TMEM33: variants seen among roughly 807,000 people sequenced by gnomAD.
The protein encoded by TMEM33 is transmembrane protein 33.
Under a neutral mutation model 29.7 loss-of-function variants are expected in TMEM33, and 16 were observed. The ratio of observed to expected loss-of-function variants is 0.54; its 90% CI spans 0.36 to 0.82. The LOEUF is 0.82. Among genes scored for constraint, TMEM33 ranks in the 40% least tolerant of loss-of-function variants. The probability of loss-of-function intolerance (pLI) is 0.00; values close to 1 mark genes in which losing one functional copy is unlikely to be tolerated. For missense variants in TMEM33, 252 were observed against 295.3 expected, an observed-to-expected ratio of 0.85 and a Z score of 1.08; for synonymous variants, 112 against 109.4, an observed-to-expected ratio of 1.02 and a Z score of -0.15.
chr4:41,940,187 A>G (rs1181785330), intron 3 of TMEM33, among the ~76,000 whole-genome samples: 1 of 148,830 alleles, frequency 6.7e-6, no homozygotes, highest in African/African-American at 2.5e-5. Flanking sequence ...AGGGTTCTTT[A>G]CTATAGTGGC....
chr4:41,945,173 C>T (rs1288446825), intron 5 of TMEM33, among the ~76,000 whole-genome samples: 1 of 152,084 alleles, frequency 6.6e-6, no homozygotes, highest in Non-Finnish European at 1.5e-5. Flanking sequence ...TTCATAGTTA[C>T]CACCTTTGAA....
intron 1 of TMEM33, among the ~76,000 whole-genome samples, chr4:41,936,151 A>G (rs1712220693): frequency 6.6e-6 from 1 of 152,226 alleles, no homozygotes; most frequent in Admixed American, 6.5e-5. Context: ...TGCAGTTACC[A>G]CATTTGGGAA....
At chr4:41,943,693 G>T (rs575043047) in intron 3 of TMEM33, 54 bp from the exon 4 acceptor site, 1 of 1,515,836 alleles carries the variant, frequency 6.6e-7, no homozygotes, top group Non-Finnish European at 9.2e-7. Context: ...TACATAGTCT[G>T]TTTTGCAGAA....
intron 1 of TMEM33, among the ~76,000 whole-genome samples, chr4:41,937,585 A>C (rs1712301187): frequency 6.6e-6 from 1 of 152,162 alleles, no homozygotes. Flanking sequence ...AAGTCAGTTT[A>C]GTGTAAACAC....
chr4:41,938,666 G>T lies in TMEM33; in HGVS notation c.110G>T (p.Cys37Phe). ...CTTTCTCGCTTGTTCACAGTTTACT[G>T]CTCTGCTCTGTTTGTTCTGCCTCTT... ...MWLSRLFTVY[C>F]SALFVLPLLG... Residue 37 changes from cysteine (C) to phenylalanine (F), a missense_variant, in exon 2 of 7, where the codon TGC (cysteine) becomes TTC (phenylalanine). Physicochemically the swap from Cys to Phe is radical, Grantham distance 205. Coordinates refer to ENST00000504986, the MANE Select transcript of TMEM33 (RefSeq NM_018126.3). 1 of 1,614,084 alleles carries T rather than the reference G, an allele frequency of 6.2e-7. No homozygotes were observed. Among genetic ancestry groups the T allele is most frequent in the Non-Finnish European group, 8.5e-7 (1 of 1,180,000 alleles).
At chr4:41,946,293 T>C (rs565027891) in intron 5 of TMEM33, among the ~76,000 whole-genome samples, 170 of 152,262 alleles carry the variant, frequency 1.1e-3, no homozygotes, top group South Asian at 6.2e-4. Context: ...AATTGTTCTT[T>C]AAAATGTCTG....
At chr4:41,947,865 A>G (rs1348778722) in intron 5 of TMEM33, among the ~76,000 whole-genome samples, 1 of 152,216 alleles carries the variant, frequency 6.6e-6, no homozygotes, top group Non-Finnish European at 1.5e-5. Flanking sequence ...TATCTTACAC[A>G]TGCGTTGCAC....
At chr4:41,946,258 C>A (rs986911490) in intron 5 of TMEM33, among the ~76,000 whole-genome samples, 2 of 151,828 alleles carry the variant, frequency 1.3e-5, no homozygotes, top group African/African-American at 4.8e-5. Context: ...AGCTAGGTGC[C>A]TTTTGTGTTT....
upstream of TMEM33, chr4:41,935,210 C>T: frequency 1.8e-6 from 1 of 568,072 alleles, no homozygotes; most frequent in Non-Finnish European, 3.1e-6. Flanking sequence ...GAAGCTCCAC[C>T]TTCGCTCCCG....
chr4:41,942,912 G>A (rs1178686001), intron 3 of TMEM33, among the ~76,000 whole-genome samples: 1 of 152,146 alleles, frequency 6.6e-6, no homozygotes, highest in African/African-American at 2.4e-5. Context: ...GTTAGGTATA[G>A]TATCTCAAAA....
At chr4:41,950,528 C>G (rs1480106378) in intron 6 of TMEM33, among the ~76,000 whole-genome samples, 1 of 152,056 alleles carries the variant, frequency 6.6e-6, no homozygotes, top group Non-Finnish European at 1.5e-5. Context: ...CTGTTATGTT[C>G]TTACTAGTTC....
In TMEM33 at chr4:41,959,210, A is replaced by C. The variant is rs919581412; in HGVS notation, c.*5011A>C. 1.3e-5 allele frequency: 2 copies of C among 152,206 alleles called. No individual in the cohort carries two copies. The highest frequency in any genetic ancestry group is 3.9e-4 in the East Asian group (2 of 5,188). 9.4% of individuals were successfully genotyped at this position (152,206 alleles called of 1,614,324 possible). On this transcript the variant is annotated 3_prime_UTR_variant, in exon 7 of 7. Transcript: ENST00000504986. Reference sequence around the variant, plus strand: ...GAAAGTTATGATTGGATCTGCTGTTAAGGAGAACAAAGGAGCTTCTAAAGG... The same window carrying C: ...GAAAGTTATGATTGGATCTGCTGTTCAGGAGAACAAAGGAGCTTCTAAAGG...
rs1713329707 is a variant in TMEM33, at chr4:41,957,808, G to A, written c.*3609G>A. ...GACACTTTGAAATGAAAACTTCAAGGAAGAAGTAGCCACGGACAGTTATGT... is the reference window on the plus strand; with the variant it reads ...GACACTTTGAAATGAAAACTTCAAGAAAGAAGTAGCCACGGACAGTTATGT... On this transcript the variant is annotated 3_prime_UTR_variant, in exon 7 of 7. Transcript: ENST00000504986. 6.6e-6 allele frequency: 1 copy of A among 152,030 alleles called. No homozygotes were observed. The highest frequency in any genetic ancestry group is 2.1e-4 in the South Asian group (1 of 4,820). The allele number at this position is 152,030 out of a possible 1,614,324, so 9.4% of individuals were successfully genotyped here. A position where few individuals can be genotyped will look rare whatever the true frequency, so the allele number is the denominator to read the frequency against.
chr4:41,952,907 T>A (rs920115745), intron 6 of TMEM33, among the ~76,000 whole-genome samples: 2 of 152,158 alleles, frequency 1.3e-5, no homozygotes, highest in African/African-American at 4.8e-5. Context: ...AATATAACTG[T>A]CCATGTTATA....
chr4:41,939,440 C>T, intron 3 of TMEM33, 57 bp downstream of exon 3: 1 of 1,566,144 alleles, frequency 6.4e-7, no homozygotes, highest in Non-Finnish European at 8.7e-7. Context: ...TAGGAGATCT[C>T]TTCTGATTAT....
chr4:41,945,985 A>G (rs1482674111), intron 5 of TMEM33, among the ~76,000 whole-genome samples: 1 of 150,790 alleles, frequency 6.6e-6, no homozygotes, highest in Non-Finnish European at 1.5e-5. Context: ...AAAAAAAAAA[A>G]AAAAAAGAAA....
chr4:41,941,466 A>G (rs1712539184), intron 3 of TMEM33, among the ~76,000 whole-genome samples: 1 of 152,246 alleles, frequency 6.6e-6, no homozygotes, highest in African/African-American at 2.4e-5. Context: ...GGTAAACTGA[A>G]TACGTCAATA....
chr4:41,951,548 A>G (rs1178356026), intron 6 of TMEM33, among the ~76,000 whole-genome samples: 2 of 152,232 alleles, frequency 1.3e-5, no homozygotes, highest in African/African-American at 4.8e-5. Context: ...ATTAGTCCTC[A>G]TGTCTTCTAG....
At position 41,959,329 on chromosome 4, in the gene TMEM33, T is replaced by C. The variant is rs1713391060; in HGVS notation, c.*5130T>C. ...TCTTTAGAAGGAACATAGTCAAGTGTGATGGATTAACTCTATATAGTCTTT... is the reference window on the plus strand; with the variant it reads ...TCTTTAGAAGGAACATAGTCAAGTGCGATGGATTAACTCTATATAGTCTTT... On this transcript the variant is annotated 3_prime_UTR_variant, in exon 7 of 7. Transcript: ENST00000504986. 6.6e-6 allele frequency: 1 copy of C among 151,568 alleles called. No individual in the cohort carries two copies. The highest frequency in any genetic ancestry group is 1.5e-5 in the Non-Finnish European group (1 of 67,726). The allele number at this position is 151,568 out of a possible 1,614,324, so 9.4% of individuals were successfully genotyped here. A position where few individuals can be genotyped will look rare whatever the true frequency, so the allele number is the denominator to read the frequency against.
Sources: allele counts gnomAD v4.1 joint callset (sites outside exome capture counted in the v4.1 genomes callset), GRCh38; gene constraint gnomAD v4.1.1; transcripts MANE v1.5; gene names NCBI Gene and HGNC (gene_info 2026-07-23, HGNC 2026-07-21).